Variants in SEC31A observed in about 807,000 individuals in gnomAD.
The protein encoded by SEC31A is protein transport protein Sec31A.
Under a neutral mutation model 151.0 loss-of-function variants are expected in SEC31A, and 70 were observed. That is an observed-to-expected ratio of 0.46 (90% CI 0.38 to 0.57). The LOEUF is 0.57. Among genes scored for constraint, SEC31A ranks in the 20% least tolerant of loss-of-function variants. The probability of loss-of-function intolerance (pLI) is 0.00; values close to 1 mark genes in which losing one functional copy is unlikely to be tolerated. For synonymous variants in SEC31A, 475 were observed against 505.9 expected, an observed-to-expected ratio of 0.94 and a Z score of 0.82; for missense variants, 1,330 against 1,471.2, an observed-to-expected ratio of 0.90 and a Z score of 1.57.
intron 22 of SEC31A, among the ~76,000 whole-genome samples, 175 bp downstream of exon 22, chr4:82,841,965 C>T (rs867070867): frequency 6.6e-6 from 1 of 151,412 alleles, no homozygotes; most frequent in Admixed American, 6.6e-5. Flanking sequence ...GAGAGAGACT[C>T]CATCACAAAA....
chr4:82,884,066 C>A (rs184902977), intron 1 of SEC31A, among the ~76,000 whole-genome samples: 2 of 147,674 alleles, frequency 1.4e-5, no homozygotes, highest in East Asian at 4.1e-4. Flanking sequence ...CGGCTCACTG[C>A]AACGTCTGCC....
chr4:82,846,213 C>T (rs1043702147), intron 20 of SEC31A, among the ~76,000 whole-genome samples: 18 of 151,596 alleles, frequency 1.2e-4, no homozygotes, highest in Non-Finnish European at 1.5e-5. Flanking sequence ...CTGTGTTAGC[C>T]AGGCTGGTCT....
chr4:82,878,976 T>A, intron 3 of SEC31A, 48 bp from the exon 4 acceptor site: 2 of 1,443,106 alleles, frequency 1.4e-6, no homozygotes, highest in Admixed American at 1.9e-5. Context: ...GTCAAATAAA[T>A]GTAGACAAAA....
At position 82,891,117 on chromosome 4, in the gene SEC31A, GC is replaced by G. The variant is rs1199995699; in HGVS notation, c.-35del. 6 of 1,536,000 alleles carry G rather than the reference GC, an allele frequency of 3.9e-6. No individual in the cohort carries two copies. The highest frequency in any genetic ancestry group is 5.2e-6 in the Non-Finnish European group (6 of 1,146,790). ...CGAGGACCTTCGGCAGCCGGATCCT[GC>G]GTTAGTGCAGCGCTCGTCGGACTCT... On this transcript the variant is annotated 5_prime_UTR_variant, in exon 1 of 27. Coordinates refer to ENST00000395310, the MANE Select transcript of SEC31A (RefSeq NM_001077207.4).
chr4:82,824,468 G>A, intron 25 of SEC31A, 87 bp downstream of exon 25: 1 of 1,436,792 alleles, frequency 7.0e-7, no homozygotes, highest in Non-Finnish European at 9.4e-7. Flanking sequence ...GCCTCCCAAA[G>A]TGCTGGGATT....
chr4:82,852,863 G>A (rs1731757000), intron 18 of SEC31A, among the ~76,000 whole-genome samples: 1 of 152,154 alleles, frequency 6.6e-6, no homozygotes, highest in Non-Finnish European at 1.5e-5. Context: ...GGCCAGCAGG[G>A]GGGATGGTTT....
At chr4:82,822,194 C>A (rs1191879236) in intron 25 of SEC31A, among the ~76,000 whole-genome samples, 4 of 152,114 alleles carry the variant, frequency 2.6e-5, no homozygotes, top group Non-Finnish European at 5.9e-5. Context: ...GGGACAAAGT[C>A]TTGTATGTCA....
In SEC31A at chr4:82,829,048, A is replaced by C. The variant is rs1478095062; in HGVS notation, c.2979T>G (p.Asn993Lys). 3.7e-6 allele frequency: 6 copies of C among 1,613,222 alleles called. No homozygotes were observed. The East Asian group carries it at 1.3e-4, about 36-fold the overall frequency. ...LPASQRTGPQ[N>K]GWNDPPALNR... is the part of the protein sequence containing the mutation. ...TCAAAGCTGGAGGGTCATTCCAACC[A>C]TTCTGAGGACCTATAACAGATAACA... Residue 993 changes from asparagine (N) to lysine (K), a missense_variant, in exon 23 of 27, where the codon AAT (asparagine) becomes AAG (lysine). By Grantham distance (94) the Asn-to-Lys change is moderately conservative. Coordinates refer to ENST00000395310, the MANE Select transcript of SEC31A (RefSeq NM_001077207.4).
chr4:82,838,623 T>C (rs895076769), intron 22 of SEC31A, among the ~76,000 whole-genome samples: 5 of 152,348 alleles, frequency 3.3e-5, no homozygotes, highest in African/African-American at 1.2e-4. Context: ...TTGTATTATA[T>C]GAAGTAAAAC....
At chr4:82,849,842 A>G (rs979771618) in intron 19 of SEC31A, among the ~76,000 whole-genome samples, 3 of 152,196 alleles carry the variant, frequency 2.0e-5, no homozygotes, top group Non-Finnish European at 4.4e-5. Flanking sequence ...GTATTAACAA[A>G]TAACAAAAAG....
Position 82,851,366 on chromosome 4 carries a change from A to C in SEC31A, c.2328+65T>G, listed in dbSNP as rs1042227209. 3.9e-6 allele frequency: 5 copies of C among 1,294,570 alleles called. No individual in the cohort carries two copies. The African/African-American group carries it at 7.4e-5, about 19-fold the overall frequency. 80.2% of individuals were successfully genotyped at this position (1,294,570 alleles called of 1,614,324 possible). A position where few individuals can be genotyped will look rare whatever the true frequency, so the allele number is the denominator to read the frequency against. On this transcript the variant is annotated intron_variant, in intron 19 of 26. Coordinates refer to ENST00000395310, the MANE Select transcript of SEC31A (RefSeq NM_001077207.4). ...CTACCTACTAATATGTTTACATCTA[A>C]TGCTAAGTGTTATCTACTGGACTCA...
At chr4:82,889,615 T>G (rs1268050077) in intron 1 of SEC31A, among the ~76,000 whole-genome samples, 1 of 151,078 alleles carries the variant, frequency 6.6e-6, no homozygotes, top group Non-Finnish European at 1.5e-5. Flanking sequence ...ATTCTTCCAA[T>G]GCTTTCATTA....
intron 2 of SEC31A, 126 bp from the exon 3 acceptor site, chr4:82,881,048 G>T: frequency 1.3e-6 from 1 of 741,962 alleles, no homozygotes; most frequent in Non-Finnish European, 2.2e-6. Context: ...ATGCCATTGA[G>T]CAGATGCTTA....
chr4:82,899,779 T>A (rs1419258875), intron 2 of SEC31A: 1 of 152,652 alleles, frequency 6.6e-6, no homozygotes, highest in Non-Finnish European at 1.5e-5. Context: ...AGCAATCTTG[T>A]TAGGCCTGGA....
intron 5 of SEC31A, 81 bp downstream of exon 5, chr4:82,875,646 C>G: frequency 2.7e-6 from 2 of 732,184 alleles, no homozygotes; most frequent in Non-Finnish European, 4.7e-6. Flanking sequence ...GTGTGAGAAG[C>G]CTTAAAAGTG....
At chr4:82,866,260 C>A (rs1464268837) in intron 10 of SEC31A, among the ~76,000 whole-genome samples, 2 of 152,036 alleles carry the variant, frequency 1.3e-5, no homozygotes, top group Non-Finnish European at 2.9e-5. Flanking sequence ...CACCTGAGGT[C>A]AGGAGTTCAA....
intron 1 of SEC31A, among the ~76,000 whole-genome samples, chr4:82,883,583 A>G (rs1166293060): frequency 6.6e-6 from 1 of 152,170 alleles, no homozygotes; most frequent in Non-Finnish European, 1.5e-5. Context: ...TAAGCCCAGC[A>G]CTTTAGGAGC....
chr4:82,872,670 C>G (rs1047021937), intron 6 of SEC31A, among the ~76,000 whole-genome samples: 1 of 66,700 alleles, frequency 1.5e-5, no homozygotes. Flanking sequence ...GTTTTACTAT[C>G]AAAACTATAT....
At chr4:82,842,020 T>C in intron 22 of SEC31A, 120 bp downstream of exon 22, 1 of 787,994 alleles carries the variant, frequency 1.3e-6, no homozygotes, top group South Asian at 2.6e-5. Flanking sequence ...AACCCAAACC[T>C]CAGTCAACAC....
Sources: allele counts gnomAD v4.1 joint callset (sites outside exome capture counted in the v4.1 genomes callset), GRCh38; gene constraint gnomAD v4.1.1; transcripts MANE v1.5; gene names NCBI Gene and HGNC (gene_info 2026-07-23, HGNC 2026-07-21).